AVEN: variants seen among roughly 807,000 people sequenced by gnomAD.
The protein encoded by AVEN is cell death regulator Aven.
Under a neutral mutation model 38.1 loss-of-function variants are expected in AVEN, and 41 were observed. The observed-to-expected ratio is 1.08, with a 90% CI of 0.84 to 1.40. The LOEUF is 1.40. AVEN is among the 40% of genes most tolerant of loss of function. The pLI is 0.00. For missense variants in AVEN, 605 were observed against 438.8 expected (o/e 1.38, Z -3.38); for synonymous variants, 206 against 171.8 (o/e 1.20, Z -1.56).
downstream of AVEN, chr15:33,865,138 A>ATGTC: frequency 6.2e-7 from 1 of 1,612,392 alleles, no homozygotes; most frequent in Non-Finnish European, 8.5e-7. Flanking sequence ...CAGGAATCTT[A>ATGTC]TGTCTGGAAG....
chr15:33,939,671 G>T (rs1172945102), intron 2 of AVEN, among the ~76,000 whole-genome samples: 1 of 152,148 alleles, frequency 6.6e-6, no homozygotes. Context: ...TTAAAAATAG[G>T]ATGATTGCTA....
chr15:33,933,355 A>AACAGG (rs1567420434), intron 2 of AVEN, among the ~76,000 whole-genome samples: 1 of 152,116 alleles, frequency 6.6e-6, no homozygotes, highest in African/African-American at 2.4e-5. Context: ...GACCTGAGTG[A>AACAGG]TCTGTTCAGC....
intron 2 of AVEN, among the ~76,000 whole-genome samples, chr15:33,917,048 C>T (rs544401218): frequency 4.6e-5 from 7 of 152,212 alleles, no homozygotes; most frequent in African/African-American, 1.7e-4. Flanking sequence ...TTAGCTCCCA[C>T]TGGGTCTCTC....
At chr15:33,856,211 A>T (rs2079642242), downstream of AVEN, 1 of 151,986 alleles carries the variant, frequency 6.6e-6, no homozygotes, top group Admixed American at 6.6e-5. Flanking sequence ...TTTTTTCCTA[A>T]ACCACCTGCT....
intron 2 of AVEN, among the ~76,000 whole-genome samples, chr15:33,931,338 C>T (rs995564998): frequency 2.9e-5 from 4 of 140,000 alleles, no homozygotes; most frequent in Non-Finnish European, 4.6e-5. Flanking sequence ...AGAAACTATG[C>T]TGAATATTTT....
Position 33,968,032 on chromosome 15 carries a change from A to G in AVEN, c.445+35000T>C, listed in dbSNP as rs375815054. ...CAAAGACTTTTAAAAATTATTTTCC[A>G]TCTTTAGGGAAAACCATATGAGAAA... On this transcript the variant is annotated intron_variant, in intron 2 of 5. Transcript: ENST00000306730. Among the ~76,000 whole-genome samples, 19 of 143,180 alleles carry G rather than the reference A, an allele frequency of 1.3e-4. No individual in the cohort carries two copies. In the East Asian group the frequency reaches 1.3e-3, roughly 10 times the overall value. The allele number at this position is 143,180 out of a possible 152,430, so 93.9% of individuals were successfully genotyped here. A position where few individuals can be genotyped will look rare whatever the true frequency, so the allele number is the denominator to read the frequency against.
chr15:34,022,271 T>G (rs1898235256), intron 1 of AVEN, among the ~76,000 whole-genome samples: 1 of 152,184 alleles, frequency 6.6e-6, no homozygotes, highest in South Asian at 2.1e-4. Flanking sequence ...TAAGAAAACA[T>G]TTTTCAGAGG....
intron 2 of AVEN, among the ~76,000 whole-genome samples, chr15:33,934,220 A>C (rs544594820): frequency 9.1e-4 from 138 of 152,050 alleles, no homozygotes; most frequent in Middle Eastern, 3.4e-3. Flanking sequence ...CAAAAAAAAA[A>C]AAAAATTAGC....
chr15:34,013,057 TTTTG>T (rs955181266), intron 1 of AVEN, among the ~76,000 whole-genome samples: 3 of 147,464 alleles, frequency 2.0e-5, no homozygotes, highest in South Asian at 2.1e-4. Context: ...ACAGTGGTTT[TTTTG>T]TTTGTTTGTT....
chr15:33,861,214 G>A (rs2153018396), intron 11 of AVEN: 1 of 1,490,140 alleles, frequency 6.7e-7, no homozygotes, highest in Non-Finnish European at 9.2e-7. Context: ...AATGGCAGCT[G>A]TAGCGTAAAT....
chr15:33,939,893 A>G (rs1440666905), intron 2 of AVEN, among the ~76,000 whole-genome samples: 1 of 152,224 alleles, frequency 6.6e-6, no homozygotes, highest in East Asian at 1.9e-4. Context: ...CTATTGTGGT[A>G]GAAAACATAC....
At position 34,063,129 on chromosome 15, in the gene AVEN, T is replaced by C; in HGVS notation, n.1430A>G. On this transcript the variant is annotated non_coding_transcript_exon_variant, in exon 5 of 12. Coordinates refer to the AVEN transcript ENST00000675287. This position sits in a 1 kb window ranked among gnomAD's most constrained non-coding sequence, Gnocchi z 4.1. ...CTTTTCCATCACAAGACCCTTGACA[T>C]ATCGGGCCAAGCGTACTCCGAAAAG... The C allele has an allele frequency of 1.9e-6, 3 of 1,614,152 alleles. No homozygotes were observed. In the South Asian group the frequency reaches 3.3e-5, roughly 18 times the overall value.
At chr15:33,911,837 C>T (rs1892929460) in intron 2 of AVEN, among the ~76,000 whole-genome samples, 1 of 152,208 alleles carries the variant, frequency 6.6e-6, no homozygotes, top group Non-Finnish European at 1.5e-5. Context: ...ATGACTTATA[C>T]CGTTCCTTTG....
At chr15:34,054,276 C>T (rs1900047080) in intron 5 of AVEN, among the ~76,000 whole-genome samples, 1 of 152,136 alleles carries the variant, frequency 6.6e-6, no homozygotes, top group South Asian at 2.1e-4. Context: ...GTGGCAATTC[C>T]TCAAAGTCCT....
At chr15:33,886,952 T>C (rs2153039431) in intron 2 of AVEN, among the ~76,000 whole-genome samples, 1 of 152,162 alleles carries the variant, frequency 6.6e-6, no homozygotes, top group Non-Finnish European at 1.5e-5. Flanking sequence ...GGCAGCGAGA[T>C]GGAAAAATAG....
chr15:33,903,196 T>C (rs1347228639), intron 2 of AVEN, among the ~76,000 whole-genome samples: 1 of 152,218 alleles, frequency 6.6e-6, no homozygotes, highest in African/African-American at 2.4e-5. Context: ...AATGAGGGAT[T>C]ATGCAGAATC....
intron 1 of AVEN, among the ~76,000 whole-genome samples, chr15:34,004,509 G>A (rs1897257853): frequency 1.3e-5 from 2 of 152,082 alleles, no homozygotes; most frequent in Admixed American, 1.3e-4. Flanking sequence ...AGACAACTGG[G>A]AAAAAGTAAA....
In AVEN at chr15:33,870,993, C is replaced by T. The variant is rs1459794445; in HGVS notation, c.554G>A (p.Arg185Gln). 3.7e-6 allele frequency: 6 copies of T among 1,608,714 alleles called. No homozygotes were observed. The highest frequency in any genetic ancestry group is 1.1e-5 in the South Asian group (1 of 90,232). ...GCAGAGAGGCAGCTCTTGAAGGGCT[C>T]GAACCAATAACTCACTATCCACATA... ...AFYVDSELLV[R>Q]ALQELPLCLR... Residue 185 changes from arginine to glutamine, a missense_variant, in exon 4 of 6, where the codon CGA (arginine) becomes CAA (glutamine). Physicochemically the swap from Arg to Gln is conservative, Grantham distance 43 (BLOSUM62 1). Transcript: ENST00000306730.
At position 33,963,876 on chromosome 15, in the gene AVEN, T is replaced by C. The variant is rs1359123056; in HGVS notation, c.445+39156A>G. 2.7e-5 allele frequency among the ~76,000 whole-genome samples: 4 copies of C among 150,836 alleles called. No homozygotes were observed. In the East Asian group the frequency reaches 5.9e-4, roughly 22 times the overall value. On this transcript the variant is annotated intron_variant, in intron 2 of 5. Transcript: ENST00000306730. Reference sequence around the variant, plus strand: ...AATAATCCTATTTGCCCCCAGAGAATGGCTCCTTGCCAGATTGATGCAGTA... The same window carrying C: ...AATAATCCTATTTGCCCCCAGAGAACGGCTCCTTGCCAGATTGATGCAGTA...
Sources: gnomAD v4.1 joint callset for allele counts (sites outside exome capture counted in the v4.1 genomes callset) on GRCh38, gnomAD v4.1.1 for gene constraint, Gnocchi (gnomAD v3.1) non-coding constraint, MANE v1.5 for transcripts, NCBI Gene and HGNC (gene_info 2026-07-23, HGNC 2026-07-21) for gene names.